The following KIF13A variants were observed in gnomAD, a reference collection of about 807,000 sequenced individuals.
The protein encoded by KIF13A is kinesin-like protein KIF13A.
A neutral mutation model predicts 212.2 loss-of-function variants in KIF13A; 79 were observed. That is an observed-to-expected ratio of 0.37 (90% confidence interval 0.31 to 0.45). The LOEUF is 0.45. KIF13A is among the 20% of genes least tolerant of loss of function. The pLI is 1.00. For synonymous variants in KIF13A, 789 were observed against 808.6 expected (o/e 0.98, Z 0.41); for missense variants, 1,901 against 2,209.0 (o/e 0.86, Z 2.79).
At position 17,811,121 on chromosome 6, in the gene KIF13A, C is replaced by A. The variant is rs530989256; in HGVS notation, c.2001-2191G>T. On this transcript the variant is annotated intron_variant, in intron 17 of 38. Coordinates refer to ENST00000259711, the MANE Select transcript of KIF13A (RefSeq NM_022113.6). The surrounding 1 kb of genome is among the most constrained non-coding windows in gnomAD (Gnocchi z 6.0). Reference sequence around the variant, plus strand: ...TCCTTCTTACTTTCTCTCTGCTGGTCAAACTCTACCTCTCAAATGCACTTG... The same window carrying A: ...TCCTTCTTACTTTCTCTCTGCTGGTAAAACTCTACCTCTCAAATGCACTTG... 6.6e-6 allele frequency among the ~76,000 whole-genome samples: 1 copy of A among 152,324 alleles called. No homozygotes were observed. Among genetic ancestry groups the A allele is most frequent in the African/African-American group, 2.4e-5 (1 of 41,568 alleles).
intron 3 of KIF13A, among the ~76,000 whole-genome samples, chr6:17,885,905 A>G (rs1294756819): frequency 6.6e-6 from 1 of 152,174 alleles, no homozygotes; most frequent in Non-Finnish European, 1.5e-5. Flanking sequence ...GAGTGTCACA[A>G]ATGCACAATC....
At position 17,922,103 on chromosome 6, in the gene KIF13A, G is replaced by A. The variant is rs1018243701; in HGVS notation, c.147-23923C>T. On this transcript the variant is annotated intron_variant, in intron 2 of 38. Transcript: ENST00000259711. ...CTTATTTCAAGTCACTAGAAGGAGTGACCCCAGGGGAGGGCTCATCGACAA... is the reference window on the plus strand; with the variant it reads ...CTTATTTCAAGTCACTAGAAGGAGTAACCCCAGGGGAGGGCTCATCGACAA... 1.8e-4 allele frequency among the ~76,000 whole-genome samples: 28 copies of A among 152,144 alleles called. 1 individual carries two copies. Among genetic ancestry groups the A allele is most frequent in the Non-Finnish European group, 1.5e-4 (10 of 68,034 alleles).
At position 17,841,999 on chromosome 6, in the gene KIF13A, A is replaced by ATGTG. The variant is rs373608113; in HGVS notation, c.831-4417_831-4416insCACA. Among the ~76,000 whole-genome samples the ATGTG allele has an allele frequency of 6.6e-4, 72 of 108,718 alleles. 1 individual carries two copies. The highest frequency in any genetic ancestry group is 7.6e-4 in the Non-Finnish European group (39 of 51,282). 71.3% of individuals were successfully genotyped at this position (108,718 alleles called of 152,430 possible). A position where few individuals can be genotyped will look rare whatever the true frequency, so the allele number is the denominator to read the frequency against. ...CATGTATGTATGTGTATATACACATACGTGTGTGTGTGTGTGTGTGTGTGT... is the reference window on the plus strand; with the variant it reads ...CATGTATGTATGTGTATATACACATATGTGCGTGTGTGTGTGTGTGTGTGTGTGT... On this transcript the variant is annotated intron_variant, in intron 9 of 38. Transcript: ENST00000259711.
Position 17,787,962 on chromosome 6 carries a change from C to A in KIF13A, c.3262-87G>T. On this transcript the variant is annotated intron_variant, in intron 26 of 38. Transcript: ENST00000259711. The surrounding 1 kb of genome is among the most constrained non-coding windows in gnomAD (Gnocchi z 4.6). ...TTTTTTTAAAAGATGTTTAAATCAACTAGGAAATTTTTCATTAGGAAAAGC... is the reference window on the plus strand; with the variant it reads ...TTTTTTTAAAAGATGTTTAAATCAAATAGGAAATTTTTCATTAGGAAAAGC... 1 of 805,012 alleles carries A rather than the reference C, an allele frequency of 1.2e-6. No homozygotes were observed. Among genetic ancestry groups the A allele is most frequent in the Non-Finnish European group, 2.1e-6 (1 of 475,878 alleles). The allele number at this position is 805,012 out of a possible 1,614,324, so 49.9% of individuals were successfully genotyped here.
chr6:17,894,833 CCTCT>C (rs1772417830), intron 3 of KIF13A, among the ~76,000 whole-genome samples: 1 of 152,132 alleles, frequency 6.6e-6, no homozygotes, highest in South Asian at 2.1e-4. Flanking sequence ...ATCCCAACTC[CCTCT>C]CTATTAAAGA....
At position 17,793,914 on chromosome 6, in the gene KIF13A, T is replaced by TA. The variant is rs548506216; in HGVS notation, c.3222+334dup. Among the ~76,000 whole-genome samples the TA allele has an allele frequency of 8.3e-3, 1,231 of 147,832 alleles. 21 individuals are homozygous for TA. Among genetic ancestry groups the TA allele is most frequent in the African/African-American group, 0.029 (1,171 of 40,256 alleles). On this transcript the variant is annotated intron_variant, in intron 25 of 38. Coordinates refer to ENST00000259711, the MANE Select transcript of KIF13A (RefSeq NM_022113.6). ...GGCAACAAAGCAAAACCCTATCTTT[T>TA]AAAAAAAAAACACACACAAAAAAAC...
At chr6:17,865,165 C>T in intron 4 of KIF13A, among the ~76,000 whole-genome samples, 1 of 151,320 alleles carries the variant, frequency 6.6e-6, no homozygotes, top group Admixed American at 6.6e-5. Context: ...ACAGATCAGA[C>T]CTGGCATATG....
chr6:17,772,134 C>A lies in KIF13A; in HGVS notation c.4325-75G>T, dbSNP rs1408055447. 2.2e-6 allele frequency: 3 copies of A among 1,370,864 alleles called. No individual in the cohort carries two copies. The highest frequency in any genetic ancestry group is 2.0e-5 in the Admixed American group (1 of 50,576). 84.9% of individuals were successfully genotyped at this position (1,370,864 alleles called of 1,614,324 possible). On this transcript the variant is annotated intron_variant, in intron 36 of 38. Coordinates refer to ENST00000259711, the MANE Select transcript of KIF13A (RefSeq NM_022113.6). The surrounding 1 kb of genome is among the most constrained non-coding windows in gnomAD (Gnocchi z 4.8). Reference sequence around the variant, plus strand: ...AAAACATAGGAACTGAGACAATGACCCAGCCATGGGAATATCTGGGAGAAC... The same window carrying A: ...AAAACATAGGAACTGAGACAATGACACAGCCATGGGAATATCTGGGAGAAC...
intron 2 of KIF13A, among the ~76,000 whole-genome samples, chr6:17,962,322 A>G (rs1210026586): frequency 1.3e-5 from 2 of 150,020 alleles, no homozygotes; most frequent in Non-Finnish European, 3.0e-5. Flanking sequence ...AAAAACAAAG[A>G]AAAAAAAAAC....
chr6:17,940,001 CT>C (rs1227288773), intron 2 of KIF13A, among the ~76,000 whole-genome samples: 1 of 147,704 alleles, frequency 6.8e-6, no homozygotes, highest in Non-Finnish European at 1.5e-5. Context: ...GATCGCGCCA[CT>C]ACACACTCCA....
intron 2 of KIF13A, among the ~76,000 whole-genome samples, chr6:17,979,207 C>G (rs1269456846): frequency 6.6e-6 from 1 of 152,054 alleles, no homozygotes; most frequent in Non-Finnish European, 1.5e-5. Context: ...GCACAAGAAT[C>G]GATTGAACCT....
intron 3 of KIF13A, among the ~76,000 whole-genome samples, chr6:17,896,901 C>A (rs1772617674): frequency 6.6e-6 from 1 of 152,196 alleles, no homozygotes; most frequent in African/African-American, 2.4e-5. Context: ...GGGGAACCAA[C>A]AGCAAGGGAT....
In KIF13A at chr6:17,778,986, C is replaced by T. The variant is rs1331702531; in HGVS notation, c.4053G>A (p.Leu1351=). The T allele has an allele frequency of 1.9e-6, 3 of 1,610,818 alleles. No homozygotes were observed. Among genetic ancestry groups the T allele is most frequent in the Admixed American group, 1.7e-5 (1 of 59,392 alleles). ...TYIEKYTRGV[L]QVENILSLER... ...CAAGACTCAGAATGTTTTCCACCTGCAGCACGCCTCGAGTGTACTTCTCAA... is the reference window on the plus strand; with the variant it reads ...CAAGACTCAGAATGTTTTCCACCTGTAGCACGCCTCGAGTGTACTTCTCAA... Residue 1351 remains leucine, a synonymous_variant, in exon 33 of 39, where the codon CTG becomes CTA. Coordinates refer to ENST00000259711, the MANE Select transcript of KIF13A (RefSeq NM_022113.6).
rs75002062 is a variant in KIF13A, at chr6:17,834,379, G to A, written c.1156-308C>T. On this transcript the variant is annotated intron_variant, in intron 11 of 38. Coordinates refer to ENST00000259711, the MANE Select transcript of KIF13A (RefSeq NM_022113.6). This position sits in a 1 kb window ranked among gnomAD's most constrained non-coding sequence, Gnocchi z 4.0. ...TAACGTTCAACTTTGAAATAGATAA[G>A]CAGGACAAAAGGTTACTTAAGCAGA... Among the ~76,000 whole-genome samples the A allele has an allele frequency of 0.025, 3,862 of 152,276 alleles. 74 individuals carry two copies. Among genetic ancestry groups the A allele is most frequent in the Non-Finnish European group, 0.04 (2,732 of 68,034 alleles).
intron 2 of KIF13A, among the ~76,000 whole-genome samples, chr6:17,980,721 G>A (rs1437928001): frequency 6.6e-6 from 1 of 152,172 alleles, no homozygotes; most frequent in Non-Finnish European, 1.5e-5. Flanking sequence ...AAAACAAAAA[G>A]TTTTGTATGA....
At position 17,837,182 on chromosome 6, in the gene KIF13A, C is replaced by T; in HGVS notation, c.943-92G>A. 1 of 1,097,260 alleles carries T rather than the reference C, an allele frequency of 9.1e-7. No individual in the cohort carries two copies. Among genetic ancestry groups the T allele is most frequent in the Non-Finnish European group, 1.4e-6 (1 of 738,692 alleles). The allele number at this position is 1,097,260 out of a possible 1,614,324, so 68.0% of individuals were successfully genotyped here. On this transcript the variant is annotated intron_variant, in intron 10 of 38. Coordinates refer to ENST00000259711, the MANE Select transcript of KIF13A (RefSeq NM_022113.6). This position sits in a 1 kb window ranked among gnomAD's most constrained non-coding sequence, Gnocchi z 5.4. ...TAAATGTGTTAGGTATGACATTATT[C>T]TCTATGAAGGAAACATTATGTGGAA...
chr6:17,943,558 T>C (rs529112567), intron 2 of KIF13A, among the ~76,000 whole-genome samples: 18 of 152,146 alleles, frequency 1.2e-4, no homozygotes, highest in African/African-American at 3.9e-4. Context: ...AAGTTTCTGA[T>C]ATAACAGGTC....
At chr6:17,859,868 C>T (rs1032428313) in intron 4 of KIF13A, among the ~76,000 whole-genome samples, 1 of 151,736 alleles carries the variant, frequency 6.6e-6, no homozygotes, top group South Asian at 2.1e-4. Flanking sequence ...AACTCCTGAC[C>T]TCGTGATCCA....
At position 17,769,654 on chromosome 6, in the gene KIF13A, C is replaced by T. The variant is rs1234817938; in HGVS notation, c.4581+1460G>A. On this transcript the variant is annotated intron_variant, in intron 38 of 38. Coordinates refer to ENST00000259711, the MANE Select transcript of KIF13A (RefSeq NM_022113.6). This position sits in a 1 kb window ranked among gnomAD's most constrained non-coding sequence, Gnocchi z 5.8. ...TTGATGGTGTTGTACCAAAATGTAT[C>T]GTTGCAATAGGTTTAAATTGAGTGG... Among the ~76,000 whole-genome samples, 6 of 151,174 alleles carry T rather than the reference C, an allele frequency of 4.0e-5. No homozygotes were observed. The highest frequency in any genetic ancestry group is 4.4e-5 in the Non-Finnish European group (3 of 67,976).
Sources: allele counts gnomAD v4.1 joint callset (sites outside exome capture counted in the v4.1 genomes callset), GRCh38; gene constraint gnomAD v4.1.1; non-coding constraint Gnocchi (gnomAD v3.1); transcripts MANE v1.5; gene names NCBI Gene and HGNC (gene_info 2026-07-23, HGNC 2026-07-21).